RRAS2: variants seen among roughly 807,000 people sequenced by gnomAD.
RRAS2 encodes ras-related protein R-Ras2.
RRAS2 carries 7 observed loss-of-function variants against 27.6 expected under a neutral mutation model. That is an observed-to-expected ratio of 0.25 (90% confidence interval 0.14 to 0.48). RRAS2 has a LOEUF of 0.48. Ranked by LOEUF, RRAS2 falls within the 20% of genes least tolerant of loss-of-function variation. RRAS2 has a pLI of 0.99. For synonymous variants in RRAS2, 86 were observed against 90.9 expected, an observed-to-expected ratio of 0.95 and a Z score of 0.31; for missense variants, 178 against 256.2, an observed-to-expected ratio of 0.69 and a Z score of 2.08.
chr11:14,284,131 CATTGA>C (rs1849607852), intron 4 of RRAS2, among the ~76,000 whole-genome samples: 2 of 152,178 alleles, frequency 1.3e-5, no homozygotes, highest in East Asian at 1.9e-4. Context: ...AACTAAAGGT[CATTGA>C]ATTGAGACCT....
chr11:14,300,365 G>A (rs1332600061), intron 1 of RRAS2, among the ~76,000 whole-genome samples: 1 of 152,144 alleles, frequency 6.6e-6, no homozygotes, highest in Admixed American at 6.6e-5. Flanking sequence ...TTCAGACAGA[G>A]ATAAAATCGG....
intron 1 of RRAS2, among the ~76,000 whole-genome samples, chr11:14,324,612 G>C (rs532220285): frequency 6.6e-6 from 1 of 152,210 alleles, no homozygotes; most frequent in African/African-American, 2.4e-5. Flanking sequence ...CCAAGAAATT[G>C]TTTATAAGTG....
chr11:14,290,315 G>A (rs1393201662), intron 4 of RRAS2, among the ~76,000 whole-genome samples: 1 of 152,186 alleles, frequency 6.6e-6, no homozygotes, highest in Non-Finnish European at 1.5e-5. Context: ...TGGGCATGGT[G>A]GCCCATGCCT....
At chr11:14,351,420 A>G (rs1218530828) in intron 1 of RRAS2, among the ~76,000 whole-genome samples, 1 of 152,196 alleles carries the variant, frequency 6.6e-6, no homozygotes, top group African/African-American at 2.4e-5. Flanking sequence ...TTAGGTTAGT[A>G]TATTTTATTC....
At chr11:14,338,206 TAAAA>T (rs1848626416) in intron 1 of RRAS2, among the ~76,000 whole-genome samples, 1 of 152,110 alleles carries the variant, frequency 6.6e-6, no homozygotes, top group Non-Finnish European at 1.5e-5. Context: ...AGTACCCACA[TAAAA>T]AGCTAAAATC....
intron 4 of RRAS2, among the ~76,000 whole-genome samples, chr11:14,291,262 T>C (rs998521153): frequency 1.3e-5 from 2 of 152,084 alleles, no homozygotes; most frequent in South Asian, 4.1e-4. Flanking sequence ...AAATGGGAAA[T>C]AGGTGGACTA....
chr11:14,318,722 G>A (rs995489269), intron 1 of RRAS2, among the ~76,000 whole-genome samples: 8 of 152,190 alleles, frequency 5.3e-5, no homozygotes, highest in Non-Finnish European at 5.9e-5. Context: ...TCCTGAGGAA[G>A]GCAGAGTGTT....
At chr11:14,321,427 G>A (rs1283508616) in intron 1 of RRAS2, among the ~76,000 whole-genome samples, 1 of 152,096 alleles carries the variant, frequency 6.6e-6, no homozygotes, top group African/African-American at 2.4e-5. Context: ...CAAAACTTCT[G>A]AAGTTCTTGT....
intron 5 of RRAS2, among the ~76,000 whole-genome samples, chr11:14,280,753 A>C (rs1849509338): frequency 8.7e-6 from 1 of 114,990 alleles, no homozygotes; most frequent in African/African-American, 2.9e-5. Flanking sequence ...AAAAAAAAAA[A>C]AAAAGCAGCC....
chr11:14,304,258 T>TA (rs1847782000), intron 1 of RRAS2, among the ~76,000 whole-genome samples: 1 of 152,188 alleles, frequency 6.6e-6, no homozygotes, highest in South Asian at 2.1e-4. Context: ...GAAAGGGGCT[T>TA]AAGGAGAAGC....
intron 1 of RRAS2, 55 bp from the exon 2 acceptor site, chr11:14,295,910 ACACC>A: frequency 3.3e-6 from 5 of 1,523,100 alleles, no homozygotes; most frequent in Non-Finnish European, 3.6e-6. Context: ...ATGGTAGCTC[ACACC>A]TGTAATCCTA....
intron 1 of RRAS2, among the ~76,000 whole-genome samples, chr11:14,308,493 T>C (rs1251632851): frequency 6.6e-6 from 1 of 152,210 alleles, no homozygotes; most frequent in African/African-American, 2.4e-5. Flanking sequence ...TCCAGCTATA[T>C]AATTTTATTA....
chr11:14,335,127 T>C (rs78633264), intron 1 of RRAS2, among the ~76,000 whole-genome samples: 1,805 of 152,338 alleles, frequency 0.012, 32 homozygotes, highest in African/African-American at 0.042. Flanking sequence ...TTGGTTTCTG[T>C]AATACCTAAC....
chr11:14,335,968 A>G (rs1554952513), intron 1 of RRAS2, among the ~76,000 whole-genome samples: 1 of 152,212 alleles, frequency 6.6e-6, no homozygotes, highest in Non-Finnish European at 1.5e-5. Flanking sequence ...ACCTCTGCCC[A>G]CACCAGGGAA....
Position 14,344,803 on chromosome 11 carries a change from G to C in RRAS2, c.108+13960C>G, listed in dbSNP as rs925095675. Reference sequence around the variant, plus strand: ...ATTTTGGCTAAAACCGAATGCTACGGATCAACTTCTAAAACTCAAGATTCA... The same window carrying C: ...ATTTTGGCTAAAACCGAATGCTACGCATCAACTTCTAAAACTCAAGATTCA... On this transcript the variant is annotated intron_variant, in intron 1 of 5. Transcript: ENST00000256196. 5.3e-5 allele frequency among the ~76,000 whole-genome samples: 8 copies of C among 152,148 alleles called. No individual in the cohort carries two copies. The South Asian group carries it at 8.3e-4, about 16-fold the overall frequency.
At chr11:14,325,809 T>C (rs1358431372) in intron 1 of RRAS2, among the ~76,000 whole-genome samples, 11 of 152,206 alleles carry the variant, frequency 7.2e-5, no homozygotes, top group Non-Finnish European at 1.0e-4. Flanking sequence ...TGTGTAGAAG[T>C]AGTCTTTTTG....
chr11:14,364,432 G>C (rs1227324585), exon 1 of RRAS2: 2 of 1,533,946 alleles, frequency 1.3e-6, no homozygotes, highest in South Asian at 2.4e-5. Context: ...TTCCTTAATG[G>C]GCCATTGCTT....
chr11:14,305,399 C>T (rs1199995330), intron 1 of RRAS2, among the ~76,000 whole-genome samples: 1 of 152,180 alleles, frequency 6.6e-6, no homozygotes, highest in African/African-American at 2.4e-5. Context: ...CTCCAAAGCA[C>T]GGTAATTTTT....
chr11:14,329,028 T>TATAC (rs1322550682), intron 1 of RRAS2, among the ~76,000 whole-genome samples: 3 of 114,690 alleles, frequency 2.6e-5, no homozygotes, highest in South Asian at 6.0e-4. Context: ...TATATATATA[T>TATAC]ACACACACAC....
Sources: allele counts gnomAD v4.1 joint callset (sites outside exome capture counted in the v4.1 genomes callset), GRCh38; gene constraint gnomAD v4.1.1; transcripts MANE v1.5; gene names NCBI Gene and HGNC (gene_info 2026-07-23, HGNC 2026-07-21).